The following SLC25A48 variants were observed in gnomAD, a reference collection of about 807,000 sequenced individuals.
The protein encoded by SLC25A48 is solute carrier family 25 member 48.
A neutral mutation model predicts 32.2 loss-of-function variants in SLC25A48; 29 were observed. The ratio of observed to expected loss-of-function variants is 0.90; its 90% CI spans 0.67 to 1.23. SLC25A48 has a LOEUF of 1.23. Among genes scored for constraint, SLC25A48 ranks in the 50% most tolerant of loss-of-function variants. The pLI is 0.00. For synonymous variants in SLC25A48, 164 were observed against 172.3 expected (o/e 0.95, Z 0.38); for missense variants, 399 against 422.7 (o/e 0.94, Z 0.49).
intron 3 of SLC25A48, chr5:135,650,359 G>T (rs1753079647): frequency 2.2e-6 from 1 of 452,364 alleles, no homozygotes; most frequent in Non-Finnish European, 4.4e-6. Flanking sequence ...GACGGACATT[G>T]CCAGCATTCA....
At chr5:135,779,107 G>T (rs1258514599) in intron 3 of SLC25A48, among the ~76,000 whole-genome samples, 1 of 151,676 alleles carries the variant, frequency 6.6e-6, no homozygotes. Context: ...GGAGAAAGAG[G>T]ATTATATTAA....
At chr5:135,861,091 C>T (rs1182021280) in intron 4 of SLC25A48, among the ~76,000 whole-genome samples, 1 of 152,202 alleles carries the variant, frequency 6.6e-6, no homozygotes, top group Non-Finnish European at 1.5e-5. Context: ...CATGCAATTA[C>T]AACCACTGGT....
At chr5:135,752,850 A>G (rs565136603) in intron 3 of SLC25A48, among the ~76,000 whole-genome samples, 3 of 152,130 alleles carry the variant, frequency 2.0e-5, no homozygotes, top group Admixed American at 1.3e-4. Flanking sequence ...ATAATATTAC[A>G]TGGTCTACAC....
At chr5:135,762,546 A>T (rs11242264) in intron 3 of SLC25A48, among the ~76,000 whole-genome samples, 115,913 of 152,096 alleles carry the variant, frequency 0.76, 44,755 homozygotes, top group Middle Eastern at 0.87. Flanking sequence ...TATTATAGCA[A>T]ATGGGTATAT....
intron 3 of SLC25A48, among the ~76,000 whole-genome samples, chr5:135,681,934 A>G (rs760969572): frequency 1.3e-5 from 2 of 152,002 alleles, no homozygotes; most frequent in Non-Finnish European, 2.9e-5. Flanking sequence ...TGATTGTTTT[A>G]TGTGTTCCTT....
chr5:135,724,999 CAAAGGGATTTCCTAAAAGGA>C (rs1561464516), intron 3 of SLC25A48, among the ~76,000 whole-genome samples: 1 of 152,244 alleles, frequency 6.6e-6, no homozygotes, highest in Admixed American at 6.5e-5. Context: ...GAGCTCCTGC[CAAAGGGATTTCCTAAAAGGA>C]AAAGGCTTTT....
intron 3 of SLC25A48, among the ~76,000 whole-genome samples, chr5:135,785,063 C>T (rs879740695): frequency 7.9e-5 from 12 of 151,992 alleles, no homozygotes; most frequent in Admixed American, 4.6e-4. Context: ...GATGTACACA[C>T]GCACTCTAAT....
Position 135,885,738 on chromosome 5 carries a change from C to A in SLC25A48, c.*8-2294C>A, listed in dbSNP as rs567541265. Among the ~76,000 whole-genome samples the A allele has an allele frequency of 7.2e-5, 11 of 152,228 alleles. No homozygotes were observed. In the South Asian group the frequency reaches 2.1e-3, roughly 29 times the overall value. ...TTAATGGGCAAAAATGCAAGCATGA[C>A]CATGTTAATTGAGAATTGTTTGTAA... On this transcript the variant is annotated intron_variant, in intron 7 of 7. Transcript: ENST00000681962.
At chr5:135,840,516 A>G (rs56166274) in intron 1 of SLC25A48, among the ~76,000 whole-genome samples, 20,284 of 152,212 alleles carry the variant, frequency 0.13, 1,763 homozygotes, top group Non-Finnish European at 0.19. Context: ...TCTAGTTCCA[A>G]AACATTTTTC....
At chr5:135,787,759 C>T (rs371959668) in intron 3 of SLC25A48, among the ~76,000 whole-genome samples, 3 of 151,646 alleles carry the variant, frequency 2.0e-5, no homozygotes, top group Non-Finnish European at 2.9e-5. Context: ...GAGGTGTACA[C>T]GCTGTGATAT....
chr5:135,723,496 G>T (rs1243621587), intron 3 of SLC25A48, among the ~76,000 whole-genome samples: 18 of 146,444 alleles, frequency 1.2e-4, no homozygotes, highest in Admixed American at 6.8e-5. Flanking sequence ...ATTTAAAAAA[G>T]GCACAAACCA....
At chr5:135,746,854 C>CT (rs35390027) in intron 3 of SLC25A48, among the ~76,000 whole-genome samples, 20 of 152,082 alleles carry the variant, frequency 1.3e-4, no homozygotes, top group Admixed American at 9.8e-4. Flanking sequence ...TCAGTCCTTC[C>CT]TTTTTTTAGG....
intron 4 of SLC25A48, among the ~76,000 whole-genome samples, chr5:135,819,590 G>A (rs1475819897): frequency 1.3e-5 from 2 of 152,140 alleles, no homozygotes; most frequent in Non-Finnish European, 2.9e-5. Flanking sequence ...TCTGTGGATG[G>A]GAATGGAGGG....
intron 7 of SLC25A48, among the ~76,000 whole-genome samples, chr5:135,881,301 C>G (rs1271839722): frequency 1.3e-5 from 2 of 152,240 alleles, no homozygotes; most frequent in African/African-American, 4.8e-5. Flanking sequence ...CTCACTGCTG[C>G]CTCCCCCGTG....
At position 135,834,902 on chromosome 5, in the gene SLC25A48, G is replaced by A; in HGVS notation, c.46+9G>A. ...GGCGGGCTGGATCGGAGGTGAGTGT[G>A]CTTACCGGGGACCCCCGGTCAGAGA... On this transcript the variant is annotated intron_variant, in intron 1 of 7. Coordinates refer to ENST00000681962, the MANE Select transcript of SLC25A48 (RefSeq NM_001349336.2). 6.2e-7 allele frequency: 1 copy of A among 1,600,680 alleles called. No homozygotes were observed. Among genetic ancestry groups the A allele is most frequent in the South Asian group, 1.1e-5 (1 of 88,168 alleles).
At chr5:135,723,538 T>TC (rs1288106282) in intron 3 of SLC25A48, among the ~76,000 whole-genome samples, 1 of 106,434 alleles carries the variant, frequency 9.4e-6, no homozygotes, top group Non-Finnish European at 2.1e-5. Flanking sequence ...CTTTTTTTTT[T>TC]CACTAAAAAA....
chr5:135,838,539 C>T (rs1758725572), intron 1 of SLC25A48, among the ~76,000 whole-genome samples: 1 of 152,212 alleles, frequency 6.6e-6, no homozygotes, highest in Non-Finnish European at 1.5e-5. Flanking sequence ...CAGCCCCTCC[C>T]ATCACAGACT....
intron 3 of SLC25A48, among the ~76,000 whole-genome samples, chr5:135,761,575 A>C (rs1031219067): frequency 2.0e-5 from 3 of 152,236 alleles, no homozygotes; most frequent in African/African-American, 7.2e-5. Context: ...AATGTTGTAC[A>C]GTAGAGGAAA....
chr5:135,662,806 A>G (rs955220564), intron 3 of SLC25A48, among the ~76,000 whole-genome samples: 2 of 152,040 alleles, frequency 1.3e-5, no homozygotes, highest in Non-Finnish European at 2.9e-5. Context: ...CTGCCTTCGA[A>G]GGGTCCTTCT....
Sources: allele counts gnomAD v4.1 joint callset (sites outside exome capture counted in the v4.1 genomes callset), GRCh38; gene constraint gnomAD v4.1.1; transcripts MANE v1.5; gene names NCBI Gene and HGNC (gene_info 2026-07-23, HGNC 2026-07-21).